Variants in TACC1 observed in about 807,000 individuals in gnomAD.
TACC1 encodes the protein transforming acidic coiled-coil containing protein 1.
A neutral mutation model predicts 84.4 loss-of-function variants in TACC1; 48 were observed. The observed-to-expected ratio is 0.57, with a 90% CI of 0.45 to 0.72. The LOEUF is 0.72. TACC1 is among the 30% of genes least tolerant of loss of function. The pLI is 0.00. For synonymous variants in TACC1, 372 were observed against 376.3 expected, an observed-to-expected ratio of 0.99 and a Z score of 0.13; for missense variants, 920 against 973.0, an observed-to-expected ratio of 0.95 and a Z score of 0.72.
intron 6 of TACC1, among the ~76,000 whole-genome samples, chr8:38,835,181 G>T (rs908528039): frequency 1.3e-5 from 2 of 151,764 alleles, no homozygotes; most frequent in Admixed American, 6.6e-5. Context: ...GTGAACCCGG[G>T]AGGCGGAGCT....
At chr8:38,774,955 G>A (rs1814518431) in intron 3 of TACC1, among the ~76,000 whole-genome samples, 1 of 146,506 alleles carries the variant, frequency 6.8e-6, no homozygotes. Flanking sequence ...AGGTTGCAGT[G>A]AGCGAAGATC....
chr8:38,817,561 C>G (rs1563740523), intron 2 of TACC1, among the ~76,000 whole-genome samples: 1 of 152,134 alleles, frequency 6.6e-6, no homozygotes, highest in Admixed American at 6.5e-5. Flanking sequence ...CTTACTATCT[C>G]TTTTTTAAAA....
chr8:38,841,107 A>G (rs1214677533), intron 9 of TACC1, among the ~76,000 whole-genome samples: 3 of 152,366 alleles, frequency 2.0e-5, no homozygotes, highest in Middle Eastern at 3.4e-3. Context: ...AGAGTCTTGC[A>G]TCTGGCCACA....
chr8:38,769,173 CTG>C (rs764939991), intron 3 of TACC1, among the ~76,000 whole-genome samples: 12 of 104,686 alleles, frequency 1.1e-4, no homozygotes, highest in South Asian at 3.3e-4. Context: ...GTGTATGAGA[CTG>C]TGTATGGGAG....
In TACC1 at chr8:38,849,835, G is replaced by A. The variant is rs374130974; in HGVS notation, c.*1812G>A. The A allele has an allele frequency of 1.1e-4, 17 of 152,772 alleles. No individual in the cohort carries two copies. The highest frequency in any genetic ancestry group is 4.1e-4 in the African/African-American group (17 of 41,566). The allele number at this position is 152,772 out of a possible 1,614,324, so 9.5% of individuals were successfully genotyped here. ...GAGCTTTGAAAGCAGTCACTGTGGTGTAATATGAATGCTGTCCTAGTGGTC... is the reference window on the plus strand; with the variant it reads ...GAGCTTTGAAAGCAGTCACTGTGGTATAATATGAATGCTGTCCTAGTGGTC... On this transcript the variant is annotated 3_prime_UTR_variant, in exon 13 of 13. Coordinates refer to ENST00000317827, the MANE Select transcript of TACC1 (RefSeq NM_006283.3).
chr8:38,760,162 A>G (rs946375712), intron 3 of TACC1, among the ~76,000 whole-genome samples: 8 of 152,242 alleles, frequency 5.3e-5, no homozygotes, highest in Non-Finnish European at 2.9e-5. Context: ...AGGTACTAAA[A>G]GTAACTAGAT....
chr8:38,832,724 A>G (rs890227879), intron 6 of TACC1, among the ~76,000 whole-genome samples: 9 of 152,216 alleles, frequency 5.9e-5, no homozygotes, highest in Non-Finnish European at 1.3e-4. Context: ...TTTTCTTTTT[A>G]AGTTTTAAAT....
At chr8:38,746,118 G>A (rs1330194203) in intron 3 of TACC1, among the ~76,000 whole-genome samples, 1 of 152,202 alleles carries the variant, frequency 6.6e-6, no homozygotes, top group African/African-American at 2.4e-5. Context: ...TGCCCAGCCG[G>A]CAAGGGCTTG....
In TACC1 at chr8:38,808,126, A is replaced by G. The variant is rs568918029; in HGVS notation, c.278-11396A>G. ...TCTGTATTCACCAAGCCGCCAGGCA[A>G]TGCTGTGCTTGTCAGAATCAAACTC... On this transcript the variant is annotated intron_variant, in intron 2 of 12. Coordinates refer to ENST00000317827, the MANE Select transcript of TACC1 (RefSeq NM_006283.3). Among the ~76,000 whole-genome samples the G allele has an allele frequency of 1.6e-3, 240 of 152,356 alleles. 3 individuals carry two copies. The highest frequency in any genetic ancestry group is 2.3e-3 in the Non-Finnish European group (159 of 68,032).
intron 2 of TACC1, among the ~76,000 whole-genome samples, chr8:38,793,518 G>C (rs991342825): frequency 1.3e-5 from 2 of 151,910 alleles, no homozygotes; most frequent in Non-Finnish European, 2.9e-5. Flanking sequence ...TTTAAAGGGT[G>C]GACTGTATGG....
Position 38,836,310 on chromosome 8 carries a change from T to G in TACC1, c.1839+23T>G, listed in dbSNP as rs367823181. 11 of 1,599,442 alleles carry G rather than the reference T, an allele frequency of 6.9e-6. No individual in the cohort carries two copies. The South Asian group carries it at 8.8e-5, about 13-fold the overall frequency. On this transcript the variant is annotated intron_variant, in intron 7 of 12. Coordinates refer to ENST00000317827, the MANE Select transcript of TACC1 (RefSeq NM_006283.3). ...GAGGTAAAAGCTCTCCTGTTTAGTC[T>G]GCTTATCACTCCATTTCTTTGTAAG...
At chr8:38,820,673 C>CT (rs1224334418) in intron 3 of TACC1, 38 bp downstream of exon 3, 1 of 1,570,854 alleles carries the variant, frequency 6.4e-7, no homozygotes, top group South Asian at 1.2e-5. Flanking sequence ...TGCTCTGTGT[C>CT]TTGTCTGTTG....
chr8:38,808,641 C>T (rs1300793525), intron 2 of TACC1, among the ~76,000 whole-genome samples: 5 of 152,182 alleles, frequency 3.3e-5, no homozygotes, highest in South Asian at 4.1e-4. Context: ...TCTTGAACTC[C>T]TGGGCTCAAG....
chr8:38,746,862 G>C (rs1290804836), intron 3 of TACC1, among the ~76,000 whole-genome samples: 1 of 152,076 alleles, frequency 6.6e-6, no homozygotes, highest in African/African-American at 2.4e-5. Flanking sequence ...AAAATATTAA[G>C]TAATTTTTAA....
intron 3 of TACC1, among the ~76,000 whole-genome samples, chr8:38,748,170 A>G (rs1808404442): frequency 6.6e-6 from 1 of 152,192 alleles, no homozygotes; most frequent in South Asian, 2.1e-4. Context: ...TGGCTACATT[A>G]GTATCAAATA....
exon 3 of TACC1, chr8:38,745,371 C>T: frequency 1.6e-6 from 1 of 606,562 alleles, no homozygotes. Flanking sequence ...TAGCATTCAT[C>T]ATATCCAAGA....
chr8:38,762,873 T>C (rs1490790060), intron 3 of TACC1, among the ~76,000 whole-genome samples: 1 of 152,168 alleles, frequency 6.6e-6, no homozygotes, highest in Non-Finnish European at 1.5e-5. Flanking sequence ...TTGTGAGCAA[T>C]TCTGCTTTAA....
chr8:38,733,043 A>T (rs897918821), intron 1 of TACC1, among the ~76,000 whole-genome samples: 6 of 152,254 alleles, frequency 3.9e-5, no homozygotes, highest in Non-Finnish European at 8.8e-5. Context: ...GCATAATTGC[A>T]TCTGAGCAAG....
At chr8:38,785,656 G>A, upstream of TACC1, 1 of 982,492 alleles carries the variant, frequency 1.0e-6, no homozygotes, top group Non-Finnish European at 1.2e-6. Context: ...CTGATTTGCT[G>A]GGGTAATATT....
Sources: gnomAD v4.1 joint callset for allele counts (sites outside exome capture counted in the v4.1 genomes callset) on GRCh38, gnomAD v4.1.1 for gene constraint, MANE v1.5 for transcripts, NCBI Gene and HGNC (gene_info 2026-07-23, HGNC 2026-07-21) for gene names.